The following CHAT variants were observed in gnomAD, a reference collection of about 807,000 sequenced individuals.
CHAT encodes choline O-acetyltransferase.
A neutral mutation model predicts 76.9 loss-of-function variants in CHAT; 61 were observed. The observed-to-expected ratio is 0.79, with a 90% CI of 0.65 to 0.98. CHAT has a LOEUF of 0.98. Ranked by LOEUF, CHAT falls within the 50% of genes least tolerant of loss-of-function variation. The pLI is 0.00. For missense variants in CHAT, 946 were observed against 986.9 expected, an observed-to-expected ratio of 0.96 and a Z score of 0.56; for synonymous variants, 407 against 397.4, an observed-to-expected ratio of 1.02 and a Z score of -0.29.
At chr10:49,643,100 C>G (rs577335302) in intron 7 of CHAT, among the ~76,000 whole-genome samples, 2 of 152,316 alleles carry the variant, frequency 1.3e-5, no homozygotes, top group East Asian at 3.9e-4. Context: ...GGCCTAAGGT[C>G]AAGATATTTG....
chr10:49,620,770 G>A (rs1272873966), intron 4 of CHAT, among the ~76,000 whole-genome samples, 157 bp downstream of exon 4: 4 of 152,236 alleles, frequency 2.6e-5, no homozygotes, highest in Non-Finnish European at 5.9e-5. Flanking sequence ...ATCAGGTGGG[G>A]AGCAAGGTTA....
chr10:49,639,258 A>G (rs1429630974), intron 7 of CHAT, among the ~76,000 whole-genome samples: 1 of 152,048 alleles, frequency 6.6e-6, no homozygotes, highest in Non-Finnish European at 1.5e-5. Flanking sequence ...CCAAAAACAA[A>G]CAAACAAAAA....
rs1230433889 is a variant in CHAT, at chr10:49,614,387, C to T, written c.198C>T (p.Arg66=). 3 of 1,544,604 alleles carry T rather than the reference C, an allele frequency of 1.9e-6. No homozygotes were observed. The highest frequency in any genetic ancestry group is 1.2e-5 in the South Asian group (1 of 83,800). The change falls in exon 1 of 15, where the codon CGC becomes CGT. Residue 66 remains arginine, a synonymous_variant. Transcript: ENST00000337653. ...GCCCCCACCCCCGCGCTGCGACACG[C>T]CCCCCACCCCTTCCGGCTCACACCC... The part of the protein sequence containing the change: ...GCSPHPRAAT[R]PPPLPAHTPA...
At chr10:49,620,638 A>G (rs1564472761) in intron 4 of CHAT, 25 bp downstream of exon 4, 6 of 1,567,776 alleles carry the variant, frequency 3.8e-6, no homozygotes, top group Non-Finnish European at 5.3e-6. Flanking sequence ...CTCCTAGCTC[A>G]TAACCTGGGG....
In CHAT at chr10:49,620,492, C is replaced by G; in HGVS notation, c.580-3C>G. The G allele has an allele frequency of 6.2e-7, 1 of 1,607,620 alleles. No individual in the cohort carries two copies. Among genetic ancestry groups the G allele is most frequent in the Non-Finnish European group, 8.5e-7 (1 of 1,174,554 alleles). On this transcript the variant is annotated splice_region_variant and splice_polypyrimidine_tract_variant and intron_variant, in intron 3 of 14. Coordinates refer to ENST00000337653, the MANE Select transcript of CHAT (RefSeq NM_020549.5). ...TGACGGCCTTCCCTGCCCTCCCCGG[C>G]AGGTGTCTGAGTACTGGCTGAATGA...
Position 49,663,051 on chromosome 10 carries a change from G to A in CHAT, c.1977+269G>A, listed in dbSNP as rs368184416. Among the ~76,000 whole-genome samples, 3 of 151,994 alleles carry A rather than the reference G, an allele frequency of 2.0e-5. No homozygotes were observed. In the South Asian group the frequency reaches 6.2e-4, roughly 32 times the overall value. The stretch of plus-strand genomic sequence containing the variant: ...AGTTTGAGACCAGCCTGGGCAACAT[G>A]GGGAGACCTCATCTCCCTATTTTTA... On this transcript the variant is annotated intron_variant, in intron 14 of 14. Coordinates refer to ENST00000337653, the MANE Select transcript of CHAT (RefSeq NM_020549.5).
At chr10:49,658,807 G>C (rs1564495737) in intron 13 of CHAT, among the ~76,000 whole-genome samples, 1 of 152,082 alleles carries the variant, frequency 6.6e-6, no homozygotes, top group Non-Finnish European at 1.5e-5. Flanking sequence ...AAAATAAAAG[G>C]AGTTATTACA....
intron 13 of CHAT, 74 bp from the exon 14 acceptor site, chr10:49,662,571 G>C: frequency 6.3e-7 from 1 of 1,590,446 alleles, no homozygotes; most frequent in Non-Finnish European, 8.6e-7. Context: ...CAGTCCTGTA[G>C]ACTACAGAGC....
chr10:49,629,465 C>G (rs536609954), intron 7 of CHAT, among the ~76,000 whole-genome samples: 1 of 152,186 alleles, frequency 6.6e-6, no homozygotes, highest in Non-Finnish European at 1.5e-5. Context: ...GAGTTAATTC[C>G]CTCGGGAGAC....
At chr10:49,653,427 AC>A (rs3838762) in intron 11 of CHAT, among the ~76,000 whole-genome samples, 52,806 of 152,060 alleles carry the variant, frequency 0.35, 10,119 homozygotes, top group Non-Finnish European at 0.44. Flanking sequence ...CTGCCCTCCA[AC>A]CTGCTTTCAG....
intron 7 of CHAT, among the ~76,000 whole-genome samples, chr10:49,644,528 A>G (rs951696674): frequency 6.6e-6 from 1 of 152,186 alleles, no homozygotes; most frequent in Admixed American, 6.5e-5. Context: ...GGGAAGCCCA[A>G]GAGGCCATGC....
upstream of CHAT, chr10:49,610,609 C>G (rs1013910708): frequency 2.3e-6 from 2 of 864,606 alleles, no homozygotes; most frequent in Admixed American, 3.5e-5. Context: ...AGCTCCGCGG[C>G]CACCTGAGGC....
At chr10:49,612,009 C>G (rs202245540), upstream of CHAT, 10 of 1,613,768 alleles carry the variant, frequency 6.2e-6, no homozygotes, top group East Asian at 2.0e-4. Context: ...TCTACGCCAT[C>G]GCCGACATCT....
chr10:49,658,854 A>G (rs1590624600), intron 13 of CHAT, among the ~76,000 whole-genome samples: 1 of 152,376 alleles, frequency 6.6e-6, no homozygotes, highest in Admixed American at 6.5e-5. Context: ...ATTTTTCAGG[A>G]AATAAAAATA....
At chr10:49,631,399 T>G (rs1350738480) in intron 7 of CHAT, among the ~76,000 whole-genome samples, 4 of 152,218 alleles carry the variant, frequency 2.6e-5, no homozygotes, top group Non-Finnish European at 5.9e-5. Flanking sequence ...ACCAGTCATA[T>G]GGGATTAGGC....
chr10:49,613,909 G>C (rs901324014), upstream of CHAT: 2 of 566,736 alleles, frequency 3.5e-6, no homozygotes, highest in Non-Finnish European at 6.3e-6. Context: ...AGCAGGGTTT[G>C]AGACTGGCCT....
chr10:49,662,228 G>A (rs570617175), intron 13 of CHAT, among the ~76,000 whole-genome samples: 3 of 152,278 alleles, frequency 2.0e-5, no homozygotes, highest in South Asian at 2.1e-4. Flanking sequence ...CACAGGATCC[G>A]GTAGTCTCCA....
chr10:49,623,865 G>T lies in CHAT; in HGVS notation c.753-1608G>T, dbSNP rs150990872. On this transcript the variant is annotated intron_variant, in intron 5 of 14. Transcript: ENST00000337653. ...TTCTCCCTCCCCACTGTGTCCCCAA[G>T]CTCCCTCCTCCTTCCCTGCTGCCCT... Among the ~76,000 whole-genome samples the T allele has an allele frequency of 2.8e-4, 42 of 152,258 alleles. No individual in the cohort carries two copies. In the East Asian group the frequency reaches 7.3e-3, roughly 27 times the overall value.
chr10:49,645,046 G>T (rs1220526732), intron 7 of CHAT, among the ~76,000 whole-genome samples: 1 of 152,204 alleles, frequency 6.6e-6, no homozygotes, highest in Non-Finnish European at 1.5e-5. Context: ...CCCGGAAGCT[G>T]TGGTGTAGTT....
Sources: allele counts gnomAD v4.1 joint callset (sites outside exome capture counted in the v4.1 genomes callset), GRCh38; gene constraint gnomAD v4.1.1; transcripts MANE v1.5; gene names NCBI Gene and HGNC (gene_info 2026-07-23, HGNC 2026-07-21).